Variants in ADAMTSL1 observed in about 807,000 individuals in gnomAD.
ADAMTSL1 encodes ADAMTS-like protein 1.
ADAMTSL1 carries 126 observed loss-of-function variants against 201.8 expected under a neutral mutation model. The observed-to-expected ratio is 0.62, with a 90% CI of 0.54 to 0.72. The LOEUF is 0.72. Among genes scored for constraint, ADAMTSL1 ranks in the 30% least tolerant of loss-of-function variants. ADAMTSL1 has a pLI of 0.00. For missense variants in ADAMTSL1, 2,679 were observed against 2,277.8 expected (o/e 1.18, Z -3.59); for synonymous variants, 1,121 against 903.4 (o/e 1.24, Z -4.32).
intron 2 of ADAMTSL1, among the ~76,000 whole-genome samples, chr9:18,182,363 G>A (rs915048564): frequency 6.6e-6 from 1 of 151,710 alleles, no homozygotes; most frequent in African/African-American, 2.4e-5. Context: ...TATACCCTTT[G>A]AAGGATGACT....
chr9:17,907,838 G>T (rs1423589455), intron 1 of ADAMTSL1, among the ~76,000 whole-genome samples: 1 of 152,158 alleles, frequency 6.6e-6, no homozygotes, highest in Non-Finnish European at 1.5e-5. Flanking sequence ...GAATTGGGCA[G>T]TTTGTACATA....
chr9:18,293,232 GC>G (rs1833342752), intron 2 of ADAMTSL1, among the ~76,000 whole-genome samples: 2 of 152,200 alleles, frequency 1.3e-5, no homozygotes, highest in Admixed American at 1.3e-4. Context: ...ACATGCAAAT[GC>G]TTGTGTCTTT....
intron 1 of ADAMTSL1, among the ~76,000 whole-genome samples, chr9:17,968,016 C>G (rs1307410048): frequency 6.6e-6 from 1 of 152,118 alleles, no homozygotes; most frequent in African/African-American, 2.4e-5. Flanking sequence ...CGTTGCTATG[C>G]ACAGCTGTTA....
chr9:18,711,494 C>T (rs2779122), intron 14 of ADAMTSL1, among the ~76,000 whole-genome samples: 37,074 of 151,160 alleles, frequency 0.25, 4,698 homozygotes, highest in Non-Finnish European at 0.31. Context: ...CAGACGGCAC[C>T]TGGAAAATCG....
At position 18,601,542 on chromosome 9, in the gene ADAMTSL1, G is replaced by A. The variant is rs1824657697; in HGVS notation, c.475-20701G>A. ...ACTGAATTAATTAGCCATGGCCAGG[G>A]GATGGAGTGACTAACACAGTCATGG... On this transcript the variant is annotated intron_variant, in intron 4 of 28. Transcript: ENST00000380548. Among the ~76,000 whole-genome samples, 4 of 152,186 alleles carry A rather than the reference G, an allele frequency of 2.6e-5. No individual in the cohort carries two copies. The South Asian group carries it at 8.3e-4, about 31-fold the overall frequency.
intron 23 of ADAMTSL1, among the ~76,000 whole-genome samples, chr9:18,882,442 C>T (rs1317911221): frequency 6.6e-6 from 1 of 152,074 alleles, no homozygotes; most frequent in African/African-American, 2.4e-5. Context: ...AGTATATTTG[C>T]CTTCATACAC....
intron 12 of ADAMTSL1, among the ~76,000 whole-genome samples, chr9:18,682,711 C>T (rs746537467): frequency 7.2e-5 from 11 of 151,948 alleles, no homozygotes; most frequent in Non-Finnish European, 1.6e-4. Context: ...AATATGGCTC[C>T]CATTTCTTTA....
At chr9:18,298,417 T>C (rs1833559032) in intron 2 of ADAMTSL1, among the ~76,000 whole-genome samples, 1 of 152,158 alleles carries the variant, frequency 6.6e-6, no homozygotes, top group African/African-American at 2.4e-5. Context: ...AGGAGCTGCT[T>C]TGAATCCAGT....
At chr9:18,622,709 G>A in intron 5 of ADAMTSL1, 2 of 419,712 alleles carry the variant, frequency 4.8e-6, no homozygotes, top group Non-Finnish European at 8.4e-6. Context: ...GCTATGCCTG[G>A]TGGAAGATAA....
At chr9:18,433,769 G>A (rs762992013) in intron 2 of ADAMTSL1, among the ~76,000 whole-genome samples, 8 of 152,158 alleles carry the variant, frequency 5.3e-5, no homozygotes, top group Non-Finnish European at 8.8e-5. Flanking sequence ...GACTAGGAAA[G>A]TTTTCAAATA....
At chr9:18,450,829 G>A (rs1331339082) in intron 2 of ADAMTSL1, among the ~76,000 whole-genome samples, 1 of 152,180 alleles carries the variant, frequency 6.6e-6, no homozygotes, top group African/African-American at 2.4e-5. Context: ...CCACTCTACA[G>A]TATATCTGGA....
chr9:18,417,367 GA>G (rs80226819), intron 2 of ADAMTSL1, among the ~76,000 whole-genome samples: 839 of 64,620 alleles, frequency 0.013, 2 homozygotes, highest in Middle Eastern at 0.036. Flanking sequence ...AAGTAAGCAG[GA>G]AAAAAAAAAA....
intron 1 of ADAMTSL1, among the ~76,000 whole-genome samples, chr9:18,049,999 G>A (rs1563969993): frequency 1.3e-5 from 2 of 152,124 alleles, no homozygotes; most frequent in Non-Finnish European, 1.5e-5. Flanking sequence ...TCTGTCACTT[G>A]CAGCCACAGG....
chr9:18,324,378 C>T (rs1834743575), intron 2 of ADAMTSL1, among the ~76,000 whole-genome samples: 1 of 150,524 alleles, frequency 6.6e-6, no homozygotes, highest in Non-Finnish European at 1.5e-5. Context: ...AGGAGAAAAT[C>T]TTGAGTATCA....
intron 4 of ADAMTSL1, among the ~76,000 whole-genome samples, chr9:18,614,834 C>T (rs1687697452): frequency 6.6e-6 from 1 of 152,120 alleles, no homozygotes; most frequent in Non-Finnish European, 1.5e-5. Flanking sequence ...ATTGGAACAA[C>T]AAACAGAGGA....
chr9:18,471,962 G>T (rs963012755), upstream of ADAMTSL1, among the ~76,000 whole-genome samples: 9 of 152,168 alleles, frequency 5.9e-5, no homozygotes, highest in African/African-American at 2.2e-4. Context: ...TTATTTTTCT[G>T]TTCCTCTACA....
intron 2 of ADAMTSL1, among the ~76,000 whole-genome samples, chr9:18,282,361 C>T (rs1050429334): frequency 2.6e-5 from 4 of 152,164 alleles, no homozygotes; most frequent in African/African-American, 9.7e-5. Flanking sequence ...GTGAATAGTG[C>T]TGCAATGAAC....
At chr9:18,727,922 A>C (rs1280266677) in intron 15 of ADAMTSL1, among the ~76,000 whole-genome samples, 3 of 152,062 alleles carry the variant, frequency 2.0e-5, no homozygotes, top group Admixed American at 2.0e-4. Context: ...TCTACTAAAA[A>C]TGCAAAAATT....
intron 15 of ADAMTSL1, among the ~76,000 whole-genome samples, chr9:18,732,627 C>T (rs183737792): frequency 2.0e-5 from 3 of 151,936 alleles, no homozygotes; most frequent in East Asian, 1.9e-4. Context: ...AATCAGGAAG[C>T]GTCGATGAAT....
Sources: allele counts gnomAD v4.1 joint callset (sites outside exome capture counted in the v4.1 genomes callset), GRCh38; gene constraint gnomAD v4.1.1; transcripts MANE v1.5; gene names NCBI Gene and HGNC (gene_info 2026-07-23, HGNC 2026-07-21).